SPOCK3: variants seen among roughly 807,000 people sequenced by gnomAD.
SPOCK3 encodes the protein testican-3.
A neutral mutation model predicts 56.6 loss-of-function variants in SPOCK3; 30 were observed. The observed-to-expected ratio is 0.53, with a 90% CI of 0.40 to 0.72. The LOEUF is 0.72. Among genes scored for constraint, SPOCK3 ranks in the 30% least tolerant of loss-of-function variants. The pLI is 0.00. For missense variants in SPOCK3, 527 were observed against 530.0 expected, an observed-to-expected ratio of 0.99 and a Z score of 0.06; for synonymous variants, 196 against 183.3, an observed-to-expected ratio of 1.07 and a Z score of -0.56.
intron 6 of SPOCK3, among the ~76,000 whole-genome samples, chr4:166,812,888 C>T (rs1171610167): frequency 6.6e-6 from 1 of 151,980 alleles, no homozygotes; most frequent in Non-Finnish European, 1.5e-5. Flanking sequence ...CACATGCTAT[C>T]ATCAAAGGTA....
At chr4:167,226,553 T>C (rs1736617827) in intron 2 of SPOCK3, among the ~76,000 whole-genome samples, 1 of 152,130 alleles carries the variant, frequency 6.6e-6, no homozygotes, top group East Asian at 1.9e-4. Context: ...TTACCAACAT[T>C]TTCTCCGAGT....
intron 6 of SPOCK3, among the ~76,000 whole-genome samples, chr4:166,833,915 C>A (rs1205748266): frequency 6.6e-6 from 1 of 152,174 alleles, no homozygotes; most frequent in African/African-American, 2.4e-5. Flanking sequence ...CGGTTTGTTC[C>A]TCTGCTCAAG....
intron 2 of SPOCK3, among the ~76,000 whole-genome samples, chr4:167,081,199 A>C (rs529614847): frequency 6.6e-6 from 1 of 152,124 alleles, no homozygotes; most frequent in African/African-American, 2.4e-5. Context: ...TAACTGGTGA[A>C]GGTCACTGAA....
At chr4:166,951,987 G>T (rs990887087) in intron 4 of SPOCK3, among the ~76,000 whole-genome samples, 8 of 151,980 alleles carry the variant, frequency 5.3e-5, no homozygotes, top group Non-Finnish European at 5.9e-5. Context: ...TACTGAATGG[G>T]CAAAAACTGG....
chr4:167,045,115 T>A (rs1214524225), intron 3 of SPOCK3, among the ~76,000 whole-genome samples: 2 of 152,126 alleles, frequency 1.3e-5, no homozygotes, highest in African/African-American at 4.8e-5. Flanking sequence ...AGTTAAAGAC[T>A]ATCTTTTTGG....
intron 2 of SPOCK3, among the ~76,000 whole-genome samples, chr4:167,169,269 T>C (rs933613011): frequency 3.3e-5 from 5 of 152,158 alleles, no homozygotes; most frequent in African/African-American, 1.2e-4. Context: ...GCTTGCAATG[T>C]GTGCTTGGAA....
intron 5 of SPOCK3, among the ~76,000 whole-genome samples, chr4:166,896,587 T>C (rs1204028922): frequency 3.3e-5 from 5 of 152,138 alleles, no homozygotes; most frequent in Admixed American, 6.6e-5. Context: ...TAAGGATGTG[T>C]TCCAGGCTCA....
rs1221106691 is a variant in SPOCK3, at chr4:166,733,481, TTGAG to T, written c.*1436_*1439del. ...CGTAAAGTCAACATTAAATTTTGTA[TTGAG>T]TGTGTATAAATTAAATGGAAATAAT... On this transcript the variant is annotated 3_prime_UTR_variant, in exon 11 of 11. Transcript: ENST00000357545. 3.3e-5 allele frequency: 5 copies of T among 151,884 alleles called. No individual in the cohort carries two copies. The highest frequency in any genetic ancestry group is 7.4e-5 in the Non-Finnish European group (5 of 67,796). The allele number at this position is 151,884 out of a possible 1,614,324, so 9.4% of individuals were successfully genotyped here.
intron 3 of SPOCK3, among the ~76,000 whole-genome samples, chr4:167,034,724 A>T (rs1369184641): frequency 6.6e-6 from 1 of 152,158 alleles, no homozygotes; most frequent in African/African-American, 2.4e-5. Context: ...AGCTAGAAAA[A>T]TCGTTGGAGG....
In SPOCK3 at chr4:166,770,292, C is replaced by T. The variant is rs111800388; in HGVS notation, c.710-15563G>A. On this transcript the variant is annotated intron_variant, in intron 7 of 10. Coordinates refer to ENST00000357545, the MANE Select transcript of SPOCK3 (RefSeq NM_001040159.2). ...TCTGTGTCGCTCACACTGGGAGCTA[C>T]AGACTGGAGCTGTTCCTATTCGACC... is the stretch of plus-strand genomic sequence containing the variant. Among the ~76,000 whole-genome samples the T allele has an allele frequency of 2.5e-3, 387 of 152,264 alleles. 1 individual carries two copies. Among genetic ancestry groups the T allele is most frequent in the Non-Finnish European group, 4.1e-3 (279 of 68,022 alleles).
chr4:166,842,068 A>C (rs1442734078), intron 6 of SPOCK3, among the ~76,000 whole-genome samples: 1 of 152,062 alleles, frequency 6.6e-6, no homozygotes, highest in Non-Finnish European at 1.5e-5. Context: ...GGAATTGTTC[A>C]TTCCTCCGGG....
intron 8 of SPOCK3, among the ~76,000 whole-genome samples, 174 bp from the exon 9 acceptor site, chr4:166,742,233 T>TCTATC (rs1310037311): frequency 6.5e-5 from 4 of 61,996 alleles, no homozygotes; most frequent in African/African-American, 3.6e-4. Context: ...TGTCTATCTA[T>TCTATC]CATCTATCTA....
intron 3 of SPOCK3, among the ~76,000 whole-genome samples, chr4:167,054,031 C>T (rs904525238): frequency 2.0e-5 from 3 of 152,148 alleles, no homozygotes; most frequent in African/African-American, 7.2e-5. Flanking sequence ...GCTCCAAGTT[C>T]CTTTGGATAG....
At chr4:166,739,035 G>T (rs1734549104) in intron 9 of SPOCK3, among the ~76,000 whole-genome samples, 1 of 151,878 alleles carries the variant, frequency 6.6e-6, no homozygotes, top group African/African-American at 2.4e-5. Context: ...GATCCCTGAG[G>T]AATTGCCACA....
chr4:166,836,156 GT>G, intron 6 of SPOCK3, among the ~76,000 whole-genome samples: 1 of 152,250 alleles, frequency 6.6e-6, no homozygotes, highest in East Asian at 1.9e-4. Flanking sequence ...CAAGTTGTCT[GT>G]GTCTAATAAA....
At chr4:167,025,350 T>C (rs1416755871) in intron 3 of SPOCK3, among the ~76,000 whole-genome samples, 2 of 151,976 alleles carry the variant, frequency 1.3e-5, no homozygotes, top group Admixed American at 6.6e-5. Flanking sequence ...ACAGCCACCA[T>C]GAGGCTCTCT....
intron 4 of SPOCK3, among the ~76,000 whole-genome samples, chr4:166,960,481 G>A (rs1744023349): frequency 1.3e-5 from 2 of 152,142 alleles, no homozygotes; most frequent in Admixed American, 6.5e-5. Flanking sequence ...CATTACCCCA[G>A]AATATAAAAT....
chr4:167,089,022 C>A (rs1758469460), intron 2 of SPOCK3, among the ~76,000 whole-genome samples: 1 of 152,016 alleles, frequency 6.6e-6, no homozygotes, highest in African/African-American at 2.4e-5. Flanking sequence ...TTCATCAATT[C>A]ATTAGGTCAG....
At chr4:167,055,820 C>T (rs1176871848) in intron 3 of SPOCK3, among the ~76,000 whole-genome samples, 1 of 152,204 alleles carries the variant, frequency 6.6e-6, no homozygotes. Flanking sequence ...GGGTGGAGCC[C>T]ACCACAGCTC....
Sources: gnomAD v4.1 joint callset for allele counts (sites outside exome capture counted in the v4.1 genomes callset) on GRCh38, gnomAD v4.1.1 for gene constraint, MANE v1.5 for transcripts, NCBI Gene and HGNC (gene_info 2026-07-23, HGNC 2026-07-21) for gene names.